CRK: variants seen among roughly 807,000 people sequenced by gnomAD.
CRK encodes adapter molecule crk.
Under a neutral mutation model 29.8 loss-of-function variants are expected in CRK, and 4 were observed. The observed-to-expected ratio is 0.13, with a 90% CI of 0.07 to 0.31. The LOEUF (loss-of-function observed/expected upper bound fraction) is 0.31. CRK is among the 10% of genes least tolerant of loss of function. The pLI is 1.00. For synonymous variants in CRK, 153 were observed against 164.9 expected (o/e 0.93, Z 0.55); for missense variants, 274 against 396.5 (o/e 0.69, Z 2.62).
At chr17:1,424,513 T>C (rs1328923616) in intron 2 of CRK, 1 of 152,240 alleles carries the variant, frequency 6.6e-6, no homozygotes, top group African/African-American at 2.4e-5. Flanking sequence ...TATCACCTCC[T>C]GACCCAGGCA....
chr17:1,439,801 C>T (rs2073919731), intron 1 of CRK, among the ~76,000 whole-genome samples: 1 of 152,148 alleles, frequency 6.6e-6, no homozygotes, highest in Non-Finnish European at 1.5e-5. Flanking sequence ...CATGATCACG[C>T]CACTGCACTC....
intron 1 of CRK, among the ~76,000 whole-genome samples, chr17:1,449,833 CCAAGA>C (rs1376401854): frequency 2.0e-5 from 3 of 152,130 alleles, no homozygotes; most frequent in Non-Finnish European, 4.4e-5. Context: ...AGCTGAGGAC[CCAAGA>C]CAAGTTAAAA....
chr17:1,435,548 A>G (rs774419404), intron 2 of CRK, among the ~76,000 whole-genome samples: 5 of 152,162 alleles, frequency 3.3e-5, no homozygotes, highest in Non-Finnish European at 5.9e-5. Context: ...ATCTGAACTC[A>G]CAGGAAGACC....
chr17:1,449,435 A>C (rs1288160430), intron 1 of CRK, among the ~76,000 whole-genome samples: 1 of 152,224 alleles, frequency 6.6e-6, no homozygotes, highest in Admixed American at 6.6e-5. Context: ...TGGAGTACTT[A>C]GTATGCCAGT....
chr17:1,440,231 A>G (rs1254408045), intron 1 of CRK, among the ~76,000 whole-genome samples: 3 of 151,586 alleles, frequency 2.0e-5, no homozygotes, highest in African/African-American at 4.9e-5. Context: ...CCCAGGAGGC[A>G]GAGCTTGCGG....
intron 1 of CRK, among the ~76,000 whole-genome samples, chr17:1,452,958 A>G (rs1303861566): frequency 1.3e-5 from 2 of 152,158 alleles, no homozygotes; most frequent in Non-Finnish European, 2.9e-5. Flanking sequence ...AATTTTCAAC[A>G]GTTAACCAGG....
chr17:1,425,743 G>A (rs2073772940), intron 2 of CRK, among the ~76,000 whole-genome samples: 1 of 152,236 alleles, frequency 6.6e-6, no homozygotes. Flanking sequence ...CTTACAGATG[G>A]AACAGCTTGC....
At chr17:1,441,919 G>C (rs2073938357) in intron 1 of CRK, among the ~76,000 whole-genome samples, 1 of 151,124 alleles carries the variant, frequency 6.6e-6, no homozygotes, top group Non-Finnish European at 1.5e-5. Flanking sequence ...GCAGTGGCAT[G>C]ATCTTGGCTC....
At chr17:1,453,574 A>G (rs1036035950) in intron 1 of CRK, among the ~76,000 whole-genome samples, 1 of 152,218 alleles carries the variant, frequency 6.6e-6, no homozygotes, top group African/African-American at 2.4e-5. Context: ...GATCTAGGAT[A>G]ATTTGTGAGC....
At chr17:1,436,513 A>C in intron 2 of CRK, 107 bp downstream of exon 2, 5 of 1,243,352 alleles carry the variant, frequency 4.0e-6, no homozygotes, top group East Asian at 2.6e-5. Flanking sequence ...GCGGCTTGCC[A>C]TCTACAACAT....
intron 1 of CRK, among the ~76,000 whole-genome samples, chr17:1,452,705 G>C (rs556380739): frequency 2.3e-4 from 35 of 151,484 alleles, no homozygotes; most frequent in African/African-American, 8.2e-4. Flanking sequence ...CAGGAGAATT[G>C]ATTAAACCTA....
intron 2 of CRK, among the ~76,000 whole-genome samples, chr17:1,426,936 A>G (rs1040666817): frequency 2.0e-5 from 3 of 148,772 alleles, no homozygotes; most frequent in Non-Finnish European, 4.5e-5. Context: ...AGAGGCTGAC[A>G]TGGGAGGATC....
intron 2 of CRK, among the ~76,000 whole-genome samples, chr17:1,430,583 T>A (rs2073833632): frequency 7.3e-6 from 1 of 136,948 alleles, no homozygotes; most frequent in Admixed American, 7.3e-5. Flanking sequence ...GCCAGGATGG[T>A]CTCCATTTCC....
chr17:1,441,884 C>T (rs1002821830), intron 1 of CRK, among the ~76,000 whole-genome samples: 1 of 150,960 alleles, frequency 6.6e-6, no homozygotes, highest in Non-Finnish European at 1.5e-5. Flanking sequence ...GAGATAGGGT[C>T]TGGCTCTGTG....
At chr17:1,446,405 T>C (rs981952769) in intron 1 of CRK, among the ~76,000 whole-genome samples, 4 of 152,094 alleles carry the variant, frequency 2.6e-5, no homozygotes, top group African/African-American at 9.7e-5. Flanking sequence ...TGCCAGCCAC[T>C]GTTACCATAG....
chr17:1,447,168 C>T (rs2073982006), intron 1 of CRK, among the ~76,000 whole-genome samples: 1 of 152,102 alleles, frequency 6.6e-6, no homozygotes, highest in Admixed American at 6.6e-5. Context: ...TCTCTTTCCT[C>T]TCCTTCCAAC....
At chr17:1,426,951 G>A (rs2073784426) in intron 2 of CRK, among the ~76,000 whole-genome samples, 1 of 146,752 alleles carries the variant, frequency 6.8e-6, no homozygotes, top group South Asian at 2.2e-4. Context: ...AGGATCACTT[G>A]AGCCCGGGAG....
At chr17:1,436,117 C>T (rs1568013923) in intron 2 of CRK, among the ~76,000 whole-genome samples, 2 of 152,148 alleles carry the variant, frequency 1.3e-5, no homozygotes, top group Non-Finnish European at 2.9e-5. Context: ...TCTCTTCAAA[C>T]CTCTACTAGG....
chr17:1,452,884 T>A (rs1311051969), intron 1 of CRK, among the ~76,000 whole-genome samples: 1 of 151,220 alleles, frequency 6.6e-6, no homozygotes, highest in Admixed American at 6.6e-5. Flanking sequence ...GCATGAAGTC[T>A]ATTGAGATCA....
Sources: gnomAD v4.1 joint callset for allele counts (sites outside exome capture counted in the v4.1 genomes callset) on GRCh38, gnomAD v4.1.1 for gene constraint, MANE v1.5 for transcripts, NCBI Gene and HGNC (gene_info 2026-07-23, HGNC 2026-07-21) for gene names.